The following TRRAP variants were observed in gnomAD, a reference collection of about 807,000 sequenced individuals.
TRRAP encodes transformation/transcription domain associated protein, also known as transformation/transcription domain-associated protein.
In TRRAP, 41 loss-of-function variants were observed where a neutral mutation model predicts 438.8. The observed-to-expected ratio is 0.09, with a 90% CI of 0.07 to 0.12. The LOEUF (loss-of-function observed/expected upper bound fraction) is 0.12. Ranked by LOEUF, TRRAP falls within the 10% of genes least tolerant of loss-of-function variation. TRRAP has a pLI of 1.00. For missense variants in TRRAP, 3,122 were observed against 5,055.1 expected, an observed-to-expected ratio of 0.62 and a Z score of 11.60; for synonymous variants, 1,994 against 1,962.9, an observed-to-expected ratio of 1.02 and a Z score of -0.42.
rs1294818015 is a variant in TRRAP, at chr7:98,950,885, C to A, written c.5344C>A (p.His1782Asn). 5.1e-6 allele frequency: 8 copies of A among 1,562,620 alleles called. No individual in the cohort carries two copies. The highest frequency in any genetic ancestry group is 6.9e-6 in the Non-Finnish European group (8 of 1,160,596). The change falls in exon 39 of 73, where the codon CAT becomes AAT. Residue 1782 changes from histidine to asparagine, a missense_variant. Physicochemically the swap from His to Asn is moderately conservative, Grantham distance 68. Coordinates refer to ENST00000456197, the MANE Select transcript of TRRAP (RefSeq NM_001375524.1). ...TAAATTTTTTTTGTAGGTTCTGCAG[C>A]ATATCTTGAATCCTGCTTTCTTGTA... ...GDELKAKVLQ[H>N]ILNPAFLYSF...
At position 99,008,359 on chromosome 7, in the gene TRRAP, C is replaced by A. The variant is rs776673526; in HGVS notation, c.10754-18C>A. The A allele has an allele frequency of 6.2e-7, 1 of 1,612,030 alleles. No individual in the cohort carries two copies. The highest frequency in any genetic ancestry group is 8.5e-7 in the Non-Finnish European group (1 of 1,178,756). On this transcript the variant is annotated intron_variant, in intron 69 of 72. Coordinates refer to ENST00000456197, the MANE Select transcript of TRRAP (RefSeq NM_001375524.1). The stretch of plus-strand genomic sequence containing the variant: ...CGGTCACCCTCAGCCTGCCCCGTTT[C>A]TCTTCCTCTCTCCCCAGTGCCCCGG...
At chr7:99,006,911 T>C (rs1794189339) in intron 69 of TRRAP, among the ~76,000 whole-genome samples, 1 of 152,216 alleles carries the variant, frequency 6.6e-6, no homozygotes, top group African/African-American at 2.4e-5. Flanking sequence ...CTGGTGCTGC[T>C]CCCCAAGGTG....
intron 40 of TRRAP, among the ~76,000 whole-genome samples, chr7:98,954,552 C>G (rs1482042512): frequency 1.3e-5 from 2 of 152,176 alleles, no homozygotes; most frequent in Non-Finnish European, 2.9e-5. Flanking sequence ...CACAAACACT[C>G]GAGAACTCTG....
Position 98,893,783 on chromosome 7 carries a change from A to C in TRRAP, c.367-15A>C, listed in dbSNP as rs781924726. 4 of 1,610,228 alleles carry C rather than the reference A, an allele frequency of 2.5e-6. No individual in the cohort carries two copies. Among genetic ancestry groups the C allele is most frequent in the Non-Finnish European group, 3.4e-6 (4 of 1,177,572 alleles). ...GTCTTCAGAAGTATAACTTTCATTA[A>C]ATGCTTTTTTTTAGACGGAAAATGA... On this transcript the variant is annotated splice_polypyrimidine_tract_variant and intron_variant, in intron 5 of 72. Transcript: ENST00000456197.
chr7:98,909,456 AC>A (rs1349179096), intron 14 of TRRAP, among the ~76,000 whole-genome samples: 2 of 152,022 alleles, frequency 1.3e-5, no homozygotes, highest in Non-Finnish European at 2.9e-5. Context: ...TCATCTTTTC[AC>A]TTGGGGTGAT....
chr7:98,900,226 C>T (rs1796413576), intron 10 of TRRAP, among the ~76,000 whole-genome samples: 1 of 152,100 alleles, frequency 6.6e-6, no homozygotes, highest in Non-Finnish European at 1.5e-5. Context: ...TCTTCATGCA[C>T]CCTCCTGACT....
intron 26 of TRRAP, among the ~76,000 whole-genome samples, chr7:98,932,906 A>G (rs1195782469): frequency 1.3e-5 from 2 of 152,138 alleles, no homozygotes; most frequent in African/African-American, 4.8e-5. Flanking sequence ...AGATTTGCAA[A>G]AAACAGTGTA....
chr7:98,965,146 G>GCACA (rs375343135), intron 48 of TRRAP, among the ~76,000 whole-genome samples: 1 of 151,950 alleles, frequency 6.6e-6, no homozygotes, highest in Non-Finnish European at 1.5e-5. Flanking sequence ...GTGTGCATGT[G>GCACA]CACACACACA....
At chr7:98,922,159 C>T (rs1554410734) in intron 21 of TRRAP, among the ~76,000 whole-genome samples, 10 of 152,108 alleles carry the variant, frequency 6.6e-5, no homozygotes. Context: ...TACTCTGGAG[C>T]AGCCCCCTCT....
In TRRAP at chr7:99,012,436, G is replaced by T; in HGVS notation, c.*81G>T. 6.9e-7 allele frequency: 1 copy of T among 1,442,482 alleles called. No homozygotes were observed. The highest frequency in any genetic ancestry group is 9.2e-7 in the Non-Finnish European group (1 of 1,082,990). 89.4% of individuals were successfully genotyped at this position (1,442,482 alleles called of 1,614,324 possible). Reference sequence around the variant, plus strand: ...AGCTTTTACGACTTCTCCCTGCCTCGTTCCTTATATTCACAGAAGCCCCAT... The same window carrying T: ...AGCTTTTACGACTTCTCCCTGCCTCTTTCCTTATATTCACAGAAGCCCCAT... On this transcript the variant is annotated 3_prime_UTR_variant, in exon 73 of 73. Transcript: ENST00000456197. The surrounding 1 kb of genome is among the most constrained non-coding windows in gnomAD (Gnocchi z 5.9).
intron 20 of TRRAP, among the ~76,000 whole-genome samples, chr7:98,918,227 CTTT>C (rs71118647): frequency 1.1e-4 from 9 of 83,194 alleles, no homozygotes; most frequent in Admixed American, 2.9e-4. Context: ...GGGTTATATT[CTTT>C]TTTTTTTTTT....
chr7:98,887,122 G>T lies in TRRAP; in HGVS notation c.151-3213G>T, dbSNP rs201946329. Among the ~76,000 whole-genome samples, 3 of 151,972 alleles carry T rather than the reference G, an allele frequency of 2.0e-5. No homozygotes were observed. The East Asian group carries it at 5.8e-4, about 29-fold the overall frequency. On this transcript the variant is annotated intron_variant, in intron 3 of 72. Coordinates refer to ENST00000456197, the MANE Select transcript of TRRAP (RefSeq NM_001375524.1). ...TTTTTTTTAGACATGGTCTTGTTAT[G>T]TTGCCCCAGCTGGTCTTGAACTCCT...
Position 98,903,075 on chromosome 7 carries a change from G to T in TRRAP, c.898-304G>T, listed in dbSNP as rs117304020. ...GAGTCTCACTCTTTCATGCTGGAGT[G>T]CAGTGGCTTGATCTTGCCTCACTGC... On this transcript the variant is annotated intron_variant, in intron 11 of 72. Transcript: ENST00000456197. 7.3e-3 allele frequency among the ~76,000 whole-genome samples: 1,116 copies of T among 152,182 alleles called. 10 individuals carry two copies. Among genetic ancestry groups the T allele is most frequent in the South Asian group, 0.016 (78 of 4,820 alleles).
Position 98,881,091 on chromosome 7 carries a change from C to T in TRRAP, c.-60C>T. The T allele has an allele frequency of 2.8e-6, 4 of 1,414,172 alleles. No homozygotes were observed. Among genetic ancestry groups the T allele is most frequent in the Non-Finnish European group, 9.7e-7 (1 of 1,029,286 alleles). The allele number at this position is 1,414,172 out of a possible 1,614,324, so 87.6% of individuals were successfully genotyped here. A position where few individuals can be genotyped will look rare whatever the true frequency, so the allele number is the denominator to read the frequency against. On this transcript the variant is annotated splice_region_variant and 5_prime_UTR_variant, in exon 2 of 73. Transcript: ENST00000456197. ...CTAACTCTATGCTTCTTTTCATAGG[C>T]TGGTTGAACTCATGGACCTGATACT...
Position 98,937,202 on chromosome 7 carries a change from C to A in TRRAP, c.4158C>A (p.Ile1386=). ...ACCTTCCTCAGTCCAGGGAGAAAATCATCGCTGCACTCTTCAAAGCCCTGA... is the reference window on the plus strand; with the variant it reads ...ACCTTCCTCAGTCCAGGGAGAAAATAATCGCTGCACTCTTCAAAGCCCTGA... ...CNYLPQSREK[I]IAALFKALNS... Residue 1386 remains isoleucine (I), a synonymous_variant, in exon 29 of 73, where the codon ATC becomes ATA. Coordinates refer to ENST00000456197, the MANE Select transcript of TRRAP (RefSeq NM_001375524.1). 1.2e-6 allele frequency: 2 copies of A among 1,613,430 alleles called. No individual in the cohort carries two copies. The highest frequency in any genetic ancestry group is 2.2e-5 in the South Asian group (2 of 90,968).
At chr7:98,899,887 A>G in intron 10 of TRRAP, 120 bp downstream of exon 10, 1 of 1,024,726 alleles carries the variant, frequency 9.8e-7, no homozygotes, top group Non-Finnish European at 1.5e-6. Flanking sequence ...AATTATATGC[A>G]CTGTTGACTT....
chr7:98,898,999 C>T (rs1267993829), intron 8 of TRRAP, among the ~76,000 whole-genome samples: 1 of 152,076 alleles, frequency 6.6e-6, no homozygotes, highest in Non-Finnish European at 1.5e-5. Flanking sequence ...ACCAGCCTGG[C>T]CAACATGGCA....
rs1794433233 is a variant in TRRAP at position 99,011,665 on chromosome 7, G to C, written c.11337+130G>C. Reference sequence around the variant, plus strand: ...TCTCCACAGTGGCCAGCACCCCTGTGTGTTATGTCCTTTGCTGTGAGGGCA... The same window carrying C: ...TCTCCACAGTGGCCAGCACCCCTGTCTGTTATGTCCTTTGCTGTGAGGGCA... On this transcript the variant is annotated intron_variant, in intron 72 of 72. Transcript: ENST00000456197. This position sits in a 1 kb window ranked among gnomAD's most constrained non-coding sequence, Gnocchi z 7.1. 9.2e-7 allele frequency: 1 copy of C among 1,087,852 alleles called. No individual in the cohort carries two copies. Among genetic ancestry groups the C allele is most frequent in the South Asian group, 1.6e-5 (1 of 61,506 alleles). The allele number at this position is 1,087,852 out of a possible 1,614,324, so 67.4% of individuals were successfully genotyped here.
chr7:98,945,621 C>T (rs540209630), intron 31 of TRRAP, 126 bp from the exon 32 acceptor site: 7 of 1,090,330 alleles, frequency 6.4e-6, no homozygotes, highest in Admixed American at 2.7e-5. Context: ...TTACTGTGTG[C>T]TTTCTGATAA....
Sources: gnomAD v4.1 joint callset for allele counts (sites outside exome capture counted in the v4.1 genomes callset) on GRCh38, gnomAD v4.1.1 for gene constraint, Gnocchi (gnomAD v3.1) non-coding constraint, MANE v1.5 for transcripts, NCBI Gene and HGNC (gene_info 2026-07-23, HGNC 2026-07-21) for gene names.